DPH6: variants seen among roughly 807,000 people sequenced by gnomAD.
DPH6 encodes diphthamine biosynthesis 6.
Under a neutral mutation model 38.2 loss-of-function variants are expected in DPH6, and 33 were observed. The ratio of observed to expected loss-of-function variants is 0.86; its 90% CI spans 0.65 to 1.15. The LOEUF (loss-of-function observed/expected upper bound fraction) is 1.15. Ranked by LOEUF, DPH6 falls within the 50% of genes most tolerant of loss-of-function variation. The probability of loss-of-function intolerance (pLI) is 0.00; values close to 1 mark genes in which losing one functional copy is unlikely to be tolerated. For missense variants in DPH6, 325 were observed against 320.0 expected (o/e 1.02, Z -0.12); for synonymous variants, 108 against 103.0 (o/e 1.05, Z -0.30).
intron 3 of DPH6, among the ~76,000 whole-genome samples, chr15:35,356,833 T>A (rs1446343769): frequency 3.3e-5 from 5 of 152,206 alleles, no homozygotes; most frequent in African/African-American, 1.2e-4. Context: ...CATTTAAAAC[T>A]GCAGAGGTTT....
chr15:35,377,855 T>G (rs1422424471), intron 7 of DPH6, among the ~76,000 whole-genome samples: 1 of 152,028 alleles, frequency 6.6e-6, no homozygotes, highest in Non-Finnish European at 1.5e-5. Context: ...TTATCATTTT[T>G]TATTATTGTT....
At chr15:35,521,565 C>T in intron 3 of DPH6, 2 of 1,225,752 alleles carry the variant, frequency 1.6e-6, no homozygotes, top group Non-Finnish European at 2.0e-6. Flanking sequence ...GTGTCATGAA[C>T]TGTGAGAAAA....
At chr15:35,479,375 C>T (rs1325736365) in intron 3 of DPH6, among the ~76,000 whole-genome samples, 1 of 152,028 alleles carries the variant, frequency 6.6e-6, no homozygotes, top group Non-Finnish European at 1.5e-5. Context: ...GTATTGTAGA[C>T]CCTCTGAAAT....
chr15:35,326,514 C>T (rs1309353477), downstream of DPH6, among the ~76,000 whole-genome samples: 2 of 151,978 alleles, frequency 1.3e-5, no homozygotes, highest in Non-Finnish European at 2.9e-5. Flanking sequence ...TTACTGCAGC[C>T]TCAACCTCCT....
chr15:35,219,260 C>G lies in DPH6; in HGVS notation n.1523G>C, dbSNP rs144045621. The G allele has an allele frequency of 1.2e-4, 19 of 152,250 alleles. No homozygotes were observed. The East Asian group carries it at 3.5e-3, about 28-fold the overall frequency. 9.4% of individuals were successfully genotyped at this position (152,250 alleles called of 1,614,324 possible). A position where few individuals can be genotyped will look rare whatever the true frequency, so the allele number is the denominator to read the frequency against. On this transcript the variant is annotated non_coding_transcript_exon_variant, in exon 4 of 4. Transcript: ENST00000560386. ...ACTTTCTGTTTACAATGCATAATAT[C>G]TGACTTGGCAAAGGAACAAGTTTAT... is the stretch of plus-strand genomic sequence containing the variant.
chr15:35,424,951 T>G (rs905124247), intron 5 of DPH6, among the ~76,000 whole-genome samples: 2 of 151,632 alleles, frequency 1.3e-5, no homozygotes, highest in Non-Finnish European at 3.0e-5. Context: ...AGAACCCTGA[T>G]TACAGCCTCC....
chr15:35,332,624 G>C (rs1039652843), intron 3 of DPH6, among the ~76,000 whole-genome samples: 1 of 151,976 alleles, frequency 6.6e-6, no homozygotes, highest in Non-Finnish European at 1.5e-5. Flanking sequence ...CAACTTACCA[G>C]GTGTGCAAAA....
chr15:35,357,438 A>C (rs2052572002), intron 3 of DPH6, among the ~76,000 whole-genome samples: 1 of 151,770 alleles, frequency 6.6e-6, no homozygotes, highest in Non-Finnish European at 1.5e-5. Context: ...TGTGTATTTT[A>C]TTTTTGTTTT....
At chr15:35,307,782 AAC>A (rs756836468) in intron 3 of DPH6, among the ~76,000 whole-genome samples, 24 of 152,080 alleles carry the variant, frequency 1.6e-4, no homozygotes, top group Admixed American at 8.5e-4. Flanking sequence ...CATATATACA[AAC>A]ACACACACAC....
chr15:35,433,481 G>A (rs1456744076), intron 5 of DPH6, among the ~76,000 whole-genome samples: 1 of 152,106 alleles, frequency 6.6e-6, no homozygotes, highest in Admixed American at 6.5e-5. Flanking sequence ...AAATCCCGTT[G>A]AGTCTCTCTA....
intron 3 of DPH6, chr15:35,298,909 G>C (rs2052033952): frequency 1.2e-6 from 1 of 848,332 alleles, no homozygotes; most frequent in Non-Finnish European, 2.1e-6. Flanking sequence ...TTTACTGCCA[G>C]AGAAGTGGGT....
chr15:35,362,820 G>A (rs995578960), intron 3 of DPH6, among the ~76,000 whole-genome samples: 2 of 152,162 alleles, frequency 1.3e-5, no homozygotes. Flanking sequence ...TTGACTCTGA[G>A]CTTGTCTGGG....
intron 1 of DPH6, among the ~76,000 whole-genome samples, chr15:35,545,628 A>C (rs1431366921): frequency 6.6e-6 from 1 of 152,176 alleles, no homozygotes; most frequent in African/African-American, 2.4e-5. Flanking sequence ...ACTAGGGAGG[A>C]AGCCAGGCTG....
At chr15:35,467,363 G>A (rs2054139969) in intron 3 of DPH6, among the ~76,000 whole-genome samples, 3 of 152,096 alleles carry the variant, frequency 2.0e-5, no homozygotes, top group South Asian at 4.1e-4. Flanking sequence ...TCAGGAGTTT[G>A]AGACCAGCCT....
the DPH6 span, among the ~76,000 whole-genome samples, chr15:35,175,122 C>T: frequency 2.0e-5 from 3 of 151,930 alleles, no homozygotes; most frequent in African/African-American, 7.3e-5. Context: ...TAGGTAATAG[C>T]CTTTTTGTAT....
intron 4 of DPH6, among the ~76,000 whole-genome samples, chr15:35,451,422 A>G (rs2053931501): frequency 3.3e-5 from 5 of 152,238 alleles, no homozygotes; most frequent in Admixed American, 3.3e-4. Flanking sequence ...GAAGTCAAGT[A>G]AAATCTAAGT....
intron 3 of DPH6, among the ~76,000 whole-genome samples, chr15:35,355,079 T>A (rs545712002): frequency 6.6e-6 from 1 of 152,330 alleles, no homozygotes; most frequent in East Asian, 1.9e-4. Context: ...TGGTTTAAAG[T>A]CTGTTTTATC....
the DPH6 span, among the ~76,000 whole-genome samples, chr15:35,209,183 C>T: frequency 1.1e-4 from 17 of 151,878 alleles, no homozygotes; most frequent in Non-Finnish European, 2.2e-4. Context: ...TAATTTTTCT[C>T]ATAGTTCATG....
intron 4 of DPH6, 95 bp downstream of exon 4, chr15:35,454,652 A>G (rs764455842): frequency 4.2e-4 from 435 of 1,030,890 alleles, no homozygotes; most frequent in Non-Finnish European, 5.4e-4. Context: ...AGACTACCAT[A>G]CCTATTTATA....
Sources: gnomAD v4.1 joint callset for allele counts (sites outside exome capture counted in the v4.1 genomes callset) on GRCh38, gnomAD v4.1.1 for gene constraint, MANE v1.5 for transcripts, NCBI Gene and HGNC (gene_info 2026-07-23, HGNC 2026-07-21) for gene names.